The following MECOM variants were observed in gnomAD, a reference collection of about 807,000 sequenced individuals.
The protein encoded by MECOM is MDS1 and EVI1 complex locus.
MECOM carries 13 observed loss-of-function variants against 116.3 expected under a neutral mutation model. The observed-to-expected ratio is 0.11, with a 90% CI of 0.07 to 0.18. The LOEUF (loss-of-function observed/expected upper bound fraction) is 0.18, where lower values mean the gene tolerates loss of function less well. MECOM is among the 10% of genes least tolerant of loss of function. MECOM has a pLI of 1.00. For synonymous variants in MECOM, 528 were observed against 535.2 expected, an observed-to-expected ratio of 0.99 and a Z score of 0.19; for missense variants, 1,299 against 1,509.0, an observed-to-expected ratio of 0.86 and a Z score of 2.31.
chr3:169,649,247 C>T (rs1311455922), intron 1 of MECOM, among the ~76,000 whole-genome samples: 1 of 151,636 alleles, frequency 6.6e-6, no homozygotes, highest in Non-Finnish European at 1.5e-5. Flanking sequence ...ATCATTTGAG[C>T]GCACAAGTTC....
intron 1 of MECOM, among the ~76,000 whole-genome samples, chr3:169,501,210 GGTTGA>G (rs1012457552): frequency 1.3e-5 from 2 of 151,836 alleles, no homozygotes; most frequent in African/African-American, 4.8e-5. Flanking sequence ...TACATGCCTG[GGTTGA>G]GTTAAGTACA....
At position 169,115,987 on chromosome 3, in the gene MECOM, G is replaced by A. The variant is rs766273267; in HGVS notation, c.1885C>T (p.Leu629=). ...FKDKVSPLQN[L]ASINNKKEYS... is the part of the protein sequence containing the mutation. Reference sequence around the variant, plus strand: ...TCTTTCTTATTATTTATTGAAGCCAGATTCTGAAGAGGGCTTACTTTGTCT... The same window carrying A: ...TCTTTCTTATTATTTATTGAAGCCAAATTCTGAAGAGGGCTTACTTTGTCT... The change falls in exon 8 of 17, where the codon CTG becomes TTG. Residue 629 remains leucine, a synonymous_variant. Transcript: ENST00000651503. The A allele has an allele frequency of 6.2e-7, 1 of 1,614,028 alleles. No homozygotes were observed. The highest frequency in any genetic ancestry group is 8.5e-7 in the Non-Finnish European group (1 of 1,180,026).
At position 169,597,561 on chromosome 3, in the gene MECOM, CT is replaced by C. The variant is rs201850718; in HGVS notation, c.37+65774del. 6.4e-4 allele frequency among the ~76,000 whole-genome samples: 98 copies of C among 152,276 alleles called. 2 individuals carry two copies. In the East Asian group the frequency reaches 0.015, roughly 23 times the overall value. On this transcript the variant is annotated intron_variant, in intron 1 of 16. Transcript: ENST00000651503. ...GGGCACAGAGCAGATGAGCAGATGT[CT>C]TTAAAAAATCATGTTGGGTTTTTTT...
rs111357234 is a variant in MECOM, at chr3:169,448,034, A to G, written c.38-66510T>C. ...ATCAGATCTGTAGTTTGGAAATTCAACTGGAAACTGCTATGGATGAGAGCT... is the reference window on the plus strand; with the variant it reads ...ATCAGATCTGTAGTTTGGAAATTCAGCTGGAAACTGCTATGGATGAGAGCT... On this transcript the variant is annotated intron_variant, in intron 1 of 16. Transcript: ENST00000651503. 4.1e-3 allele frequency: 623 copies of G among 152,340 alleles called. 2 individuals are homozygous for G. The highest frequency in any genetic ancestry group is 6.4e-3 in the Non-Finnish European group (438 of 68,042). 9.4% of individuals were successfully genotyped at this position (152,340 alleles called of 1,614,324 possible). A position where few individuals can be genotyped will look rare whatever the true frequency, so the allele number is the denominator to read the frequency against.
intron 1 of MECOM, among the ~76,000 whole-genome samples, chr3:169,620,337 C>T (rs1423207975): frequency 6.6e-6 from 1 of 152,172 alleles, no homozygotes; most frequent in African/African-American, 2.4e-5. Context: ...ATTGCTATTC[C>T]ACCATTTCAA....
intron 1 of MECOM, among the ~76,000 whole-genome samples, chr3:169,402,293 A>G (rs1325906135): frequency 3.3e-5 from 5 of 152,178 alleles, no homozygotes; most frequent in Admixed American, 3.3e-4. Context: ...AATACTGAAC[A>G]ACGAAGTGAT....
intron 1 of MECOM, among the ~76,000 whole-genome samples, chr3:169,463,614 A>T (rs2108749772): frequency 6.6e-6 from 1 of 152,324 alleles, no homozygotes; most frequent in Non-Finnish European, 1.5e-5. Flanking sequence ...CCTCAAATGT[A>T]TTTGAACTTT....
At chr3:169,321,972 C>T (rs1038398693) in intron 2 of MECOM, among the ~76,000 whole-genome samples, 1 of 152,206 alleles carries the variant, frequency 6.6e-6, no homozygotes, top group South Asian at 2.1e-4. Context: ...GGCTGTCCTT[C>T]CAGAGCTGGG....
At chr3:169,168,067 T>C (rs1215153496) in intron 2 of MECOM, among the ~76,000 whole-genome samples, 2 of 152,198 alleles carry the variant, frequency 1.3e-5, no homozygotes, top group Non-Finnish European at 2.9e-5. Context: ...ATTCTATTGT[T>C]AAAAAATTTG....
At chr3:169,533,100 T>C (rs1403418679) in intron 1 of MECOM, among the ~76,000 whole-genome samples, 5 of 152,144 alleles carry the variant, frequency 3.3e-5, no homozygotes, top group Non-Finnish European at 5.9e-5. Flanking sequence ...TGCCACTGAG[T>C]CATCAATTTC....
intron 2 of MECOM, among the ~76,000 whole-genome samples, chr3:169,327,548 G>T (rs1167480726): frequency 1.4e-5 from 2 of 146,664 alleles, no homozygotes; most frequent in African/African-American, 2.5e-5. Context: ...TGAGGCGGGA[G>T]AATTGCTTGA....
At chr3:169,662,029 C>A (rs935530756) in intron 1 of MECOM, among the ~76,000 whole-genome samples, 1 of 152,178 alleles carries the variant, frequency 6.6e-6, no homozygotes, top group African/African-American at 2.4e-5. Flanking sequence ...CCCTTCAACT[C>A]GAAGTAGAAG....
rs185608731 is a variant in MECOM at position 169,313,911 on chromosome 3, A to G, written c.375+67276T>C. The stretch of plus-strand genomic sequence containing the variant: ...AACTAGTTAAGACAACTGAACCGGG[A>G]CAACTGACAGGACCAAACACTGATC... On this transcript the variant is annotated intron_variant, in intron 2 of 16. Coordinates refer to ENST00000651503, the MANE Select transcript of MECOM (RefSeq NM_004991.4). Among the ~76,000 whole-genome samples, 16 of 152,326 alleles carry G rather than the reference A, an allele frequency of 1.1e-4. No individual in the cohort carries two copies. The East Asian group carries it at 3.1e-3, about 29-fold the overall frequency.
intron 1 of MECOM, among the ~76,000 whole-genome samples, chr3:169,648,781 TG>T (rs1282738306): frequency 6.6e-6 from 1 of 152,236 alleles, no homozygotes; most frequent in Non-Finnish European, 1.5e-5. Flanking sequence ...TATGTCAATT[TG>T]GGGGTAGCAC....
intron 1 of MECOM, among the ~76,000 whole-genome samples, chr3:169,405,255 C>T (rs1206111840): frequency 6.6e-6 from 1 of 152,042 alleles, no homozygotes; most frequent in Non-Finnish European, 1.5e-5. Context: ...CCTTCTCTCT[C>T]TCTCTCTCAT....
At chr3:169,146,894 C>T in intron 2 of MECOM, 1 of 1,027,516 alleles carries the variant, frequency 9.7e-7, no homozygotes, top group Non-Finnish European at 1.2e-6. Context: ...TTTTAAAAGC[C>T]TCGCGTCTCG....
At chr3:169,318,993 G>T (rs1720329135) in intron 2 of MECOM, among the ~76,000 whole-genome samples, 1 of 151,910 alleles carries the variant, frequency 6.6e-6, no homozygotes, top group Non-Finnish European at 1.5e-5. Flanking sequence ...CAGCTACTCG[G>T]GAGGTGAGGC....
intron 1 of MECOM, among the ~76,000 whole-genome samples, chr3:169,577,437 T>G (rs1203163935): frequency 6.6e-6 from 1 of 151,562 alleles, no homozygotes; most frequent in Non-Finnish European, 1.5e-5. Flanking sequence ...CCTAAGTGAA[T>G]CTACAAGACA....
At chr3:169,325,186 C>T (rs1721636264) in intron 2 of MECOM, among the ~76,000 whole-genome samples, 1 of 152,178 alleles carries the variant, frequency 6.6e-6, no homozygotes, top group Non-Finnish European at 1.5e-5. Context: ...AGAACAGGAG[C>T]ACAGCTACGG....
Sources: gnomAD v4.1 joint callset for allele counts (sites outside exome capture counted in the v4.1 genomes callset) on GRCh38, gnomAD v4.1.1 for gene constraint, MANE v1.5 for transcripts, NCBI Gene and HGNC (gene_info 2026-07-23, HGNC 2026-07-21) for gene names.